Variants in RBFOX1 observed in about 807,000 individuals in gnomAD.
RBFOX1 encodes RNA binding protein fox-1 homolog 1.
In RBFOX1, 8 loss-of-function variants were observed where a neutral mutation model predicts 57.7. That is an observed-to-expected ratio of 0.14 (90% CI 0.08 to 0.25). The LOEUF (loss-of-function observed/expected upper bound fraction) is 0.25. RBFOX1 is among the 10% of genes least tolerant of loss of function. The probability of loss-of-function intolerance (pLI) is 1.00; values close to 1 mark genes in which losing one functional copy is unlikely to be tolerated. For missense variants in RBFOX1, 611 were observed against 548.5 expected, an observed-to-expected ratio of 1.11 and a Z score of -1.14; for synonymous variants, 326 against 222.4, an observed-to-expected ratio of 1.47 and a Z score of -4.15.
chr16:7,488,564 CAT>C (rs138234341), intron 4 of RBFOX1, among the ~76,000 whole-genome samples: 25,902 of 152,016 alleles, frequency 0.17, 2,945 homozygotes, highest in East Asian at 0.41. Context: ...ATCAATCCAT[CAT>C]ATGTTTATCC....
Position 6,540,768 on chromosome 16 carries a change from A to C in RBFOX1, c.-63-113835A>C, listed in dbSNP as rs192715521. ...TATTAACTTACCTAATTATTCACTT[A>C]AAGTAACTCTTTAAAAAGACTGGCT... On this transcript the variant is annotated intron_variant, in intron 2 of 15. Transcript: ENST00000550418. Among the ~76,000 whole-genome samples, 7 of 152,330 alleles carry C rather than the reference A, an allele frequency of 4.6e-5. No homozygotes were observed. The East Asian group carries it at 1.3e-3, about 29-fold the overall frequency.
At chr16:5,486,808 C>G (rs1020706884) in intron 2 of RBFOX1, among the ~76,000 whole-genome samples, 9 of 151,090 alleles carry the variant, frequency 6.0e-5, no homozygotes, top group Non-Finnish European at 1.2e-4. Context: ...TTTCTTTTAA[C>G]TTAAATTTTT....
At chr16:7,096,689 T>G (rs746791733) in intron 4 of RBFOX1, among the ~76,000 whole-genome samples, 3 of 152,012 alleles carry the variant, frequency 2.0e-5, no homozygotes, top group African/African-American at 7.2e-5. Context: ...CCCAGCACTT[T>G]GGGAGGCTGA....
chr16:5,640,522 A>G (rs983159979), intron 3 of RBFOX1, among the ~76,000 whole-genome samples: 6 of 149,832 alleles, frequency 4.0e-5, no homozygotes, highest in Non-Finnish European at 7.4e-5. Context: ...GCACATACAC[A>G]CATGCACATA....
chr16:5,303,574 G>C (rs2063857759), intron 1 of RBFOX1, among the ~76,000 whole-genome samples: 1 of 152,110 alleles, frequency 6.6e-6, no homozygotes. Context: ...ATAAACTTCA[G>C]ACATGCTTCT....
intron 3 of RBFOX1, among the ~76,000 whole-genome samples, chr16:6,686,946 C>G (rs1437649557): frequency 6.6e-6 from 1 of 152,290 alleles, no homozygotes. Context: ...ATAGATTCTG[C>G]TCGTAATGAT....
intron 2 of RBFOX1, among the ~76,000 whole-genome samples, chr16:6,339,564 C>G (rs528272759): frequency 6.6e-6 from 1 of 152,156 alleles, no homozygotes; most frequent in Non-Finnish European, 1.5e-5. Context: ...GATTCTGTTC[C>G]TCTCTGGGAG....
intron 2 of RBFOX1, among the ~76,000 whole-genome samples, chr16:6,582,035 T>C (rs1236141254): frequency 6.6e-6 from 1 of 152,174 alleles, no homozygotes; most frequent in Non-Finnish European, 1.5e-5. Context: ...AGGGGTGCTG[T>C]ACTGCTGCAC....
At chr16:6,801,179 A>C (rs2085347032) in intron 3 of RBFOX1, among the ~76,000 whole-genome samples, 1 of 149,704 alleles carries the variant, frequency 6.7e-6, no homozygotes, top group African/African-American at 2.5e-5. Flanking sequence ...TGTGAATGGC[A>C]AGAATCAAGA....
chr16:6,687,259 G>A (rs12934850), intron 3 of RBFOX1, among the ~76,000 whole-genome samples: 24,553 of 152,040 alleles, frequency 0.16, 2,116 homozygotes, highest in Middle Eastern at 0.21. Context: ...CACACAGAGT[G>A]ATATAATCGA....
chr16:6,035,350 C>T (rs2095351876), intron 1 of RBFOX1, among the ~76,000 whole-genome samples: 1 of 152,222 alleles, frequency 6.6e-6, no homozygotes, highest in Admixed American at 6.5e-5. Flanking sequence ...AAGGATGGAG[C>T]AGATGGGCTG....
chr16:7,434,531 T>C (rs2098707318), intron 4 of RBFOX1, among the ~76,000 whole-genome samples: 1 of 151,860 alleles, frequency 6.6e-6, no homozygotes, highest in African/African-American at 2.4e-5. Flanking sequence ...GATGAGGAGA[T>C]GGACTGGGAA....
At position 5,784,091 on chromosome 16, in the gene RBFOX1, A is replaced by G. The variant is rs374941399; in HGVS notation, c.319-83212A>G. ...AGAGGCCTCTGCTTGGCTTCTAGGG[A>G]GGCCTCAGGAAACCTACACTCACGG... On this transcript the variant is annotated intron_variant, in intron 3 of 19. Transcript: ENST00000641259. Among the ~76,000 whole-genome samples the G allele has an allele frequency of 3.6e-4, 55 of 152,250 alleles. 1 individual carries two copies. In the South Asian group the frequency reaches 9.5e-3, roughly 26 times the overall value.
chr16:7,625,105 G>T (rs1001688336), intron 10 of RBFOX1, among the ~76,000 whole-genome samples: 1 of 152,066 alleles, frequency 6.6e-6, no homozygotes, highest in Non-Finnish European at 1.5e-5. Flanking sequence ...TTGGCCAGGT[G>T]TGTCATTTAT....
intron 5 of RBFOX1, among the ~76,000 whole-genome samples, chr16:7,555,746 C>T (rs1054324565): frequency 6.6e-6 from 1 of 152,130 alleles, no homozygotes; most frequent in African/African-American, 2.4e-5. Flanking sequence ...CTCCCTGTGG[C>T]CCACTCTTCT....
chr16:6,754,051 A>G (rs2075391475), intron 3 of RBFOX1, among the ~76,000 whole-genome samples: 1 of 151,936 alleles, frequency 6.6e-6, no homozygotes, highest in Admixed American at 6.6e-5. Flanking sequence ...ATACATACCC[A>G]CTCTTCAGCA....
intron 1 of RBFOX1, among the ~76,000 whole-genome samples, chr16:6,255,445 G>A (rs1381818674): frequency 1.3e-5 from 2 of 152,144 alleles, no homozygotes; most frequent in Non-Finnish European, 2.9e-5. Flanking sequence ...GCAAGTTGGT[G>A]TGAAGCTGTA....
intron 2 of RBFOX1, among the ~76,000 whole-genome samples, chr16:6,574,855 G>A (rs1360159678): frequency 6.0e-5 from 9 of 150,480 alleles, no homozygotes; most frequent in Admixed American, 5.9e-4. Context: ...TGGATAACAC[G>A]GTGAAACCCC....
intron 3 of RBFOX1, among the ~76,000 whole-genome samples, chr16:6,666,005 A>G (rs7185701): frequency 0.15 from 22,821 of 152,098 alleles, 1,788 homozygotes; most frequent in East Asian, 0.18. Context: ...TTCTCATGGT[A>G]GTGAATAAGT....
Sources: gnomAD v4.1 joint callset for allele counts (sites outside exome capture counted in the v4.1 genomes callset) on GRCh38, gnomAD v4.1.1 for gene constraint, MANE v1.5 for transcripts, NCBI Gene and HGNC (gene_info 2026-07-23, HGNC 2026-07-21) for gene names.